RBM27: variants seen among roughly 807,000 people sequenced by gnomAD.
RBM27 encodes RNA-binding protein 27.
RBM27 carries 22 observed loss-of-function variants against 135.3 expected under a neutral mutation model. The ratio of observed to expected loss-of-function variants is 0.16; its 90% CI spans 0.12 to 0.23. RBM27 has a LOEUF of 0.23. Ranked by LOEUF, RBM27 falls within the 10% of genes least tolerant of loss-of-function variation. RBM27 has a pLI of 1.00. For missense variants in RBM27, 1,009 were observed against 1,281.0 expected (o/e 0.79, Z 3.24); for synonymous variants, 481 against 442.4 (o/e 1.09, Z -1.10).
At chr5:146,211,464 CTTTTTTTTTTTTTTTTTTTTT>C (rs57117642) in intron 1 of RBM27, among the ~76,000 whole-genome samples, 1 of 49,904 alleles carries the variant, frequency 2.0e-5, no homozygotes, top group Admixed American at 3.9e-4. Flanking sequence ...ATGGTCTTAT[CTTTTTTTTTTTTTTTTTTTTT>C]TTTTTTTTTA....
intron 15 of RBM27, among the ~76,000 whole-genome samples, chr5:146,268,774 G>T (rs890924139): frequency 5.3e-5 from 8 of 151,874 alleles, no homozygotes; most frequent in African/African-American, 1.5e-4. Context: ...TAGAGACAGG[G>T]TCTCATTCTG....
chr5:146,269,648 T>C, intron 17 of RBM27, 64 bp downstream of exon 17: 1 of 1,186,252 alleles, frequency 8.4e-7, no homozygotes, highest in Non-Finnish European at 1.1e-6. Flanking sequence ...CTTGACACCT[T>C]GAAAGTACAA....
chr5:146,226,010 T>A (rs866012222), intron 3 of RBM27, among the ~76,000 whole-genome samples: 1 of 146,582 alleles, frequency 6.8e-6, no homozygotes, highest in Non-Finnish European at 1.5e-5. Context: ...TTATAGGCCC[T>A]GTCACCAAGC....
chr5:146,218,157 A>G (rs1039654805), intron 1 of RBM27, among the ~76,000 whole-genome samples: 1 of 152,120 alleles, frequency 6.6e-6, no homozygotes, highest in African/African-American at 2.4e-5. Flanking sequence ...GTGTGTGTAT[A>G]TATATATGTT....
intron 20 of RBM27, among the ~76,000 whole-genome samples, chr5:146,285,073 G>A (rs998347530): frequency 4.6e-5 from 7 of 152,068 alleles, no homozygotes; most frequent in Non-Finnish European, 8.8e-5. Flanking sequence ...GTTTATTCAA[G>A]TTCCATAGTA....
chr5:146,207,582 C>G (rs895375490), intron 1 of RBM27, among the ~76,000 whole-genome samples: 5 of 150,732 alleles, frequency 3.3e-5, no homozygotes, highest in African/African-American at 1.2e-4. Flanking sequence ...TTTATGAAAG[C>G]TTCCAATTCC....
At position 146,229,773 on chromosome 5, in the gene RBM27, A is replaced by G; in HGVS notation, c.452A>G (p.Glu151Gly). ...TGGAGAGACTATGACCGGTACTATG[A>G]GCGGAATGAATTGTACCGTGAGAAG... is the stretch of plus-strand genomic sequence containing the variant. Reference protein sequence around the residue: ...GKWRDYDRYYERNELYREKYD... With the variant: ...GKWRDYDRYYGRNELYREKYD... Residue 151 changes from glutamate (E) to glycine (G), a missense_variant, in exon 5 of 21, where the codon GAG (glutamate) becomes GGG (glycine). This residue lies in a region of RBM27 where 268 missense variants were observed against 326.6 expected (regional missense o/e 0.82). Coordinates refer to ENST00000265271, the MANE Select transcript of RBM27 (RefSeq NM_018989.2). 3.1e-6 allele frequency: 5 copies of G among 1,612,792 alleles called. No individual in the cohort carries two copies. The highest frequency in any genetic ancestry group is 4.2e-6 in the Non-Finnish European group (5 of 1,179,012).
At chr5:146,204,389 G>A (rs1024654265) in intron 1 of RBM27, among the ~76,000 whole-genome samples, 31 of 152,192 alleles carry the variant, frequency 2.0e-4, no homozygotes, top group African/African-American at 7.2e-4. Context: ...AAAATACTAT[G>A]GAGTAGATGA....
Position 146,228,962 on chromosome 5 carries a change from C to G in RBM27, c.320C>G (p.Ala107Gly). The G allele has an allele frequency of 1.2e-6, 2 of 1,613,124 alleles. No individual in the cohort carries two copies. Among genetic ancestry groups the G allele is most frequent in the Non-Finnish European group, 1.7e-6 (2 of 1,179,424 alleles). The change falls in exon 4 of 21, where the codon GCA becomes GGA. Residue 107 changes from alanine (A) to glycine (G), a missense_variant. Coordinates refer to ENST00000265271, the MANE Select transcript of RBM27 (RefSeq NM_018989.2). Reference sequence around the variant, plus strand: ...TTCATATAGGTATTTCAGGAGCCAGCAGAGGAAGAACGAGATGGCAGAAAA... The same window carrying G: ...TTCATATAGGTATTTCAGGAGCCAGGAGAGGAAGAACGAGATGGCAGAAAA... ...EIKEEVFQEP[A>G]EEERDGRKKK...
At chr5:146,264,526 T>G (rs1470118066) in intron 14 of RBM27, among the ~76,000 whole-genome samples, 2 of 152,104 alleles carry the variant, frequency 1.3e-5, no homozygotes, top group African/African-American at 2.4e-5. Context: ...AATTTCATCT[T>G]TAAGAATTTA....
rs189061136 is a variant in RBM27, at chr5:146,264,170, A to G, written c.2331+539A>G. 1.7e-4 allele frequency among the ~76,000 whole-genome samples: 25 copies of G among 151,214 alleles called. No homozygotes were observed. In the East Asian group the frequency reaches 2.7e-3, roughly 16 times the overall value. On this transcript the variant is annotated intron_variant, in intron 14 of 20. Transcript: ENST00000265271. ...AGGAATTTGAGAATTTTAGATATTTATTTGTTTGTTTGTTTGTTTGTTTGT... is the reference window on the plus strand; with the variant it reads ...AGGAATTTGAGAATTTTAGATATTTGTTTGTTTGTTTGTTTGTTTGTTTGT...
intron 1 of RBM27, among the ~76,000 whole-genome samples, chr5:146,212,333 C>A (rs1361080342): frequency 6.6e-6 from 1 of 150,514 alleles, no homozygotes; most frequent in Admixed American, 6.6e-5. Flanking sequence ...GGATTACAGG[C>A]GTGAGCCACC....
At chr5:146,268,738 C>T (rs538713253) in intron 15 of RBM27, among the ~76,000 whole-genome samples, 1 of 151,964 alleles carries the variant, frequency 6.6e-6, no homozygotes, top group African/African-American at 2.4e-5. Flanking sequence ...GCCACCATGC[C>T]CTGGCTAATT....
chr5:146,236,930 CTTTTTTTTTTT>C (rs36073661), intron 7 of RBM27, among the ~76,000 whole-genome samples: 63 of 47,184 alleles, frequency 1.3e-3, no homozygotes, highest in Non-Finnish European at 2.0e-3. Context: ...TATGATGGTC[CTTTTTTTTTTT>C]TTTTTTTTTT....
chr5:146,271,157 T>C, intron 18 of RBM27, 99 bp downstream of exon 18: 2 of 829,948 alleles, frequency 2.4e-6, no homozygotes, highest in East Asian at 2.9e-5. Flanking sequence ...TCTCAGCACT[T>C]TGGGAGGCCG....
intron 19 of RBM27, among the ~76,000 whole-genome samples, chr5:146,273,259 ATG>A (rs1273426147): frequency 6.6e-6 from 1 of 152,166 alleles, no homozygotes; most frequent in Non-Finnish European, 1.5e-5. Context: ...TGGAGACTAT[ATG>A]TAGATGTTTA....
At chr5:146,278,477 C>T (rs1759185954) in intron 19 of RBM27, among the ~76,000 whole-genome samples, 1 of 152,180 alleles carries the variant, frequency 6.6e-6, no homozygotes, top group Admixed American at 6.5e-5. Context: ...ACGAGTTTCT[C>T]ATACATCTGC....
chr5:146,207,249 A>C (rs1293289408), intron 1 of RBM27, among the ~76,000 whole-genome samples: 1 of 151,942 alleles, frequency 6.6e-6, no homozygotes, highest in African/African-American at 2.4e-5. Flanking sequence ...TTGAGGTGGA[A>C]TCTCTCACTG....
At chr5:146,246,372 A>C (rs1168614416) in intron 8 of RBM27, among the ~76,000 whole-genome samples, 1 of 152,234 alleles carries the variant, frequency 6.6e-6, no homozygotes, top group Non-Finnish European at 1.5e-5. Flanking sequence ...GATATTAGGC[A>C]TGTTACCTAT....
Sources: gnomAD v4.1 joint callset for allele counts (sites outside exome capture counted in the v4.1 genomes callset) on GRCh38, gnomAD v4.1.1 for gene constraint, gnomAD v4.1.1 regional missense constraint, MANE v1.5 for transcripts, NCBI Gene and HGNC (gene_info 2026-07-23, HGNC 2026-07-21) for gene names.